SNTG1: variants seen among roughly 807,000 people sequenced by gnomAD.
SNTG1 encodes the protein gamma-1-syntrophin.
SNTG1 carries 39 observed loss-of-function variants against 74.7 expected under a neutral mutation model. The observed-to-expected ratio is 0.52, with a 90% CI of 0.40 to 0.68. The LOEUF is 0.68. SNTG1 is among the 30% of genes least tolerant of loss of function. SNTG1 has a pLI of 0.00. For synonymous variants in SNTG1, 254 were observed against 217.1 expected (o/e 1.17, Z -1.49); for missense variants, 685 against 609.5 (o/e 1.12, Z -1.30).
chr8:50,474,351 T>A (rs2093678170), intron 8 of SNTG1, among the ~76,000 whole-genome samples: 1 of 149,092 alleles, frequency 6.7e-6, no homozygotes. Flanking sequence ...ATATCCAGAA[T>A]CTACAATGAA....
intron 1 of SNTG1, among the ~76,000 whole-genome samples, chr8:50,058,589 G>A (rs140313344): frequency 6.6e-6 from 1 of 152,032 alleles, no homozygotes; most frequent in African/African-American, 2.4e-5. Flanking sequence ...ATGCAGTTGT[G>A]AAGTTATATG....
At chr8:50,353,590 G>A (rs1236561152) in intron 2 of SNTG1, among the ~76,000 whole-genome samples, 2 of 152,116 alleles carry the variant, frequency 1.3e-5, no homozygotes, top group Admixed American at 6.6e-5. Flanking sequence ...TGACAAGTGA[G>A]TTTGGGCTTT....
intron 1 of SNTG1, among the ~76,000 whole-genome samples, chr8:50,104,540 G>T (rs150896630): frequency 7.9e-5 from 12 of 151,820 alleles, no homozygotes; most frequent in African/African-American, 2.9e-4. Flanking sequence ...TTTTTGAAGC[G>T]TTTTTTTGTG....
chr8:49,953,157 T>C (rs1172626032), intron 1 of SNTG1, among the ~76,000 whole-genome samples: 1 of 152,194 alleles, frequency 6.6e-6, no homozygotes, highest in Non-Finnish European at 1.5e-5. Context: ...GGAATGACTT[T>C]GAAGAACTCC....
intron 2 of SNTG1, among the ~76,000 whole-genome samples, chr8:50,344,899 A>G (rs527365056): frequency 6.6e-6 from 1 of 152,290 alleles, no homozygotes; most frequent in African/African-American, 2.4e-5. Context: ...AGGTTCTTAA[A>G]GTGGGCCCTA....
intron 2 of SNTG1, among the ~76,000 whole-genome samples, chr8:50,174,561 C>T (rs1563695265): frequency 1.3e-5 from 2 of 152,080 alleles, no homozygotes; most frequent in African/African-American, 4.8e-5. Context: ...CAAAAATAAC[C>T]CTTTCTAACG....
rs555603567 is a variant in SNTG1, at chr8:50,404,132, A to G, written c.162+1788A>G. Among the ~76,000 whole-genome samples, 8 of 152,244 alleles carry G rather than the reference A, an allele frequency of 5.3e-5. No individual in the cohort carries two copies. The East Asian group carries it at 1.5e-3, about 29-fold the overall frequency. ...TAGCCCAAGTTAATTGTGTTTCTAAAACTACCTACAAGCAACTAGAAATGA... is the reference window on the plus strand; with the variant it reads ...TAGCCCAAGTTAATTGTGTTTCTAAGACTACCTACAAGCAACTAGAAATGA... On this transcript the variant is annotated intron_variant, in intron 4 of 18. Transcript: ENST00000642720.
intron 17 of SNTG1, among the ~76,000 whole-genome samples, chr8:50,728,033 A>T (rs913835955): frequency 6.6e-6 from 1 of 152,124 alleles, no homozygotes; most frequent in Non-Finnish European, 1.5e-5. Context: ...AGTTGTCAGC[A>T]CAAGATGCTC....
chr8:50,480,687 G>A (rs943023240), intron 8 of SNTG1, among the ~76,000 whole-genome samples: 1 of 152,136 alleles, frequency 6.6e-6, no homozygotes, highest in East Asian at 1.9e-4. Flanking sequence ...TGAAGGTTTG[G>A]TCAAATAGGG....
chr8:50,742,174 A>T (rs1208299095), intron 17 of SNTG1, among the ~76,000 whole-genome samples: 1 of 151,972 alleles, frequency 6.6e-6, no homozygotes, highest in Non-Finnish European at 1.5e-5. Flanking sequence ...AACCAACTGG[A>T]TCTAACAGAC....
chr8:50,361,830 A>G (rs533780292), intron 2 of SNTG1, among the ~76,000 whole-genome samples: 2 of 152,284 alleles, frequency 1.3e-5, no homozygotes, highest in Admixed American at 6.5e-5. Context: ...CTATACTAAA[A>G]CTTGAAGGTA....
At chr8:50,571,220 C>T (rs1391349626) in intron 12 of SNTG1, among the ~76,000 whole-genome samples, 2 of 152,158 alleles carry the variant, frequency 1.3e-5, no homozygotes, top group Non-Finnish European at 2.9e-5. Context: ...CCATAGCATA[C>T]CAACGCTGCT....
chr8:50,223,841 G>C lies in SNTG1; in HGVS notation c.-28+51206G>C, dbSNP rs547789158. Among the ~76,000 whole-genome samples, 3 of 152,058 alleles carry C rather than the reference G, an allele frequency of 2.0e-5. No individual in the cohort carries two copies. In the East Asian group the frequency reaches 5.8e-4, roughly 29 times the overall value. ...TTTAATTTCTTTTCAGTGTAGAACA[G>C]ATGCATTAGCTACACAAAAATAGTG... On this transcript the variant is annotated intron_variant, in intron 2 of 18. Transcript: ENST00000642720.
At chr8:50,439,137 A>C (rs2093334687) in intron 5 of SNTG1, among the ~76,000 whole-genome samples, 1 of 152,118 alleles carries the variant, frequency 6.6e-6, no homozygotes, top group Non-Finnish European at 1.5e-5. Flanking sequence ...TTATTATCAA[A>C]TTTTAAAGGC....
At chr8:50,207,189 C>T (rs1406933485) in intron 2 of SNTG1, among the ~76,000 whole-genome samples, 1 of 152,142 alleles carries the variant, frequency 6.6e-6, no homozygotes, top group Non-Finnish European at 1.5e-5. Context: ...GTGAATCCCT[C>T]TGGTCCTGGA....
intron 13 of SNTG1, among the ~76,000 whole-genome samples, chr8:50,652,296 A>G (rs922031084): frequency 3.9e-5 from 6 of 152,104 alleles, no homozygotes; most frequent in African/African-American, 1.4e-4. Context: ...AATAATTTAT[A>G]CTCAATTTTT....
At chr8:50,042,428 G>T (rs572093744) in intron 1 of SNTG1, among the ~76,000 whole-genome samples, 4 of 152,272 alleles carry the variant, frequency 2.6e-5, no homozygotes, top group African/African-American at 9.6e-5. Context: ...TCCGCGGGCT[G>T]GGAGCTCCTG....
chr8:50,375,826 G>A (rs189062241), intron 2 of SNTG1, among the ~76,000 whole-genome samples: 1 of 152,162 alleles, frequency 6.6e-6, no homozygotes, highest in African/African-American at 2.4e-5. Flanking sequence ...ATGCATGGGA[G>A]GCACCCAGGG....
chr8:50,535,555 A>T (rs577355524), intron 10 of SNTG1, among the ~76,000 whole-genome samples: 1 of 152,320 alleles, frequency 6.6e-6, no homozygotes, highest in East Asian at 1.9e-4. Context: ...TCATTGAGTC[A>T]CCAGTAGGGA....
Sources: allele counts gnomAD v4.1 joint callset (sites outside exome capture counted in the v4.1 genomes callset), GRCh38; gene constraint gnomAD v4.1.1; transcripts MANE v1.5; gene names NCBI Gene and HGNC (gene_info 2026-07-23, HGNC 2026-07-21).